Variants in YWHAQ observed in about 807,000 individuals in gnomAD.
YWHAQ encodes the protein 14-3-3 protein theta.
A neutral mutation model predicts 28.3 loss-of-function variants in YWHAQ; 6 were observed. That is an observed-to-expected ratio of 0.21 (90% CI 0.12 to 0.42). YWHAQ has a LOEUF of 0.42. YWHAQ is among the 10% of genes least tolerant of loss of function. The probability of loss-of-function intolerance (pLI) is 1.00; values close to 1 mark genes in which losing one functional copy is unlikely to be tolerated. For missense variants in YWHAQ, 201 were observed against 305.6 expected (o/e 0.66, Z 2.55); for synonymous variants, 143 against 119.1 (o/e 1.20, Z -1.31).
At chr2:9,592,352 A>C (rs1666473465) in intron 2 of YWHAQ, among the ~76,000 whole-genome samples, 1 of 152,004 alleles carries the variant, frequency 6.6e-6, no homozygotes, top group Non-Finnish European at 1.5e-5. Context: ...TATGCCTTGG[A>C]GTATAAAAAG....
chr2:9,619,076 T>C (rs1027158604), intron 2 of YWHAQ, among the ~76,000 whole-genome samples: 3 of 152,062 alleles, frequency 2.0e-5, no homozygotes, highest in Admixed American at 1.3e-4. Flanking sequence ...TCAACAGACG[T>C]GGGGGCTAAA....
At chr2:9,622,023 G>T (rs571555793) in intron 2 of YWHAQ, among the ~76,000 whole-genome samples, 44 of 152,202 alleles carry the variant, frequency 2.9e-4, no homozygotes, top group African/African-American at 9.4e-4. Context: ...ACATCACACA[G>T]CGGGGACTGT....
chr2:9,618,744 A>G (rs550429569), intron 2 of YWHAQ, among the ~76,000 whole-genome samples: 215 of 149,064 alleles, frequency 1.4e-3, no homozygotes, highest in Non-Finnish European at 7.5e-4. Context: ...GAATTCCTGG[A>G]CTCAAGCAAT....
intron 2 of YWHAQ, among the ~76,000 whole-genome samples, chr2:9,606,346 G>A (rs1558546486): frequency 6.6e-6 from 1 of 152,166 alleles, no homozygotes; most frequent in African/African-American, 2.4e-5. Flanking sequence ...CAGGCAGACT[G>A]CCTGAGCTCA....
intron 2 of YWHAQ, among the ~76,000 whole-genome samples, chr2:9,592,558 T>A (rs1012678606): frequency 8.5e-4 from 130 of 152,082 alleles, no homozygotes; most frequent in African/African-American, 2.9e-3. Flanking sequence ...ACCCCGTCTC[T>A]ACTAAAAATA....
intron 2 of YWHAQ, among the ~76,000 whole-genome samples, chr2:9,599,275 A>G (rs1376669281): frequency 6.6e-6 from 1 of 152,174 alleles, no homozygotes; most frequent in East Asian, 1.9e-4. Flanking sequence ...CAGAACATAA[A>G]AGTACAAGCT....
intron 5 of YWHAQ, among the ~76,000 whole-genome samples, chr2:9,585,650 G>A (rs1313718334): frequency 1.3e-5 from 2 of 152,156 alleles, no homozygotes; most frequent in Non-Finnish European, 2.9e-5. Context: ...GCTCACGCCT[G>A]TAATCTCAGC....
intron 2 of YWHAQ, among the ~76,000 whole-genome samples, chr2:9,624,462 A>G (rs1013801434): frequency 1.3e-5 from 2 of 152,116 alleles, no homozygotes; most frequent in African/African-American, 4.8e-5. Flanking sequence ...AATACAACTT[A>G]ATACAGCTCA....
chr2:9,629,690 G>C (rs968629010), intron 2 of YWHAQ, among the ~76,000 whole-genome samples: 5 of 152,254 alleles, frequency 3.3e-5, no homozygotes, highest in Admixed American at 6.5e-5. Flanking sequence ...GAAAAATAAA[G>C]TATCTGTTCA....
chr2:9,603,552 G>A (rs1666757314), intron 2 of YWHAQ, among the ~76,000 whole-genome samples: 2 of 151,512 alleles, frequency 1.3e-5, no homozygotes, highest in Admixed American at 1.3e-4. Context: ...TGTGATTACG[G>A]GCATGAGCCA....
chr2:9,614,627 T>C (rs912204785), intron 2 of YWHAQ, among the ~76,000 whole-genome samples: 1 of 152,182 alleles, frequency 6.6e-6, no homozygotes, highest in African/African-American at 2.4e-5. Context: ...GGGTCAAGTT[T>C]TGCTATATCC....
intron 2 of YWHAQ, among the ~76,000 whole-genome samples, chr2:9,602,586 C>T (rs1247455895): frequency 6.6e-6 from 1 of 151,374 alleles, no homozygotes; most frequent in Non-Finnish European, 1.5e-5. Flanking sequence ...CTCCCCCAGC[C>T]TGGAACGGAG....
intron 2 of YWHAQ, among the ~76,000 whole-genome samples, chr2:9,616,685 A>G (rs1558549624): frequency 6.6e-6 from 1 of 152,268 alleles, no homozygotes; most frequent in Non-Finnish European, 1.5e-5. Context: ...ACTAAAGGCC[A>G]ATAAGTACAT....
chr2:9,615,540 G>C (rs1667025119), intron 2 of YWHAQ, among the ~76,000 whole-genome samples: 1 of 152,158 alleles, frequency 6.6e-6, no homozygotes, highest in Non-Finnish European at 1.5e-5. Context: ...ATGCTGGAAG[G>C]TCTCAGAGGT....
rs559351499 is a variant in YWHAQ at position 9,629,817 on chromosome 2, T to A, written c.294+342A>T. On this transcript the variant is annotated intron_variant, in intron 2 of 5. Coordinates refer to ENST00000238081, the MANE Select transcript of YWHAQ (RefSeq NM_006826.4). ...GCCTGAAGCTTGTGAACCGACTGAA[T>A]ACATTTAAAGGGCTCACAGATCTCA... Among the ~76,000 whole-genome samples the A allele has an allele frequency of 3.3e-5, 5 of 152,270 alleles. No individual in the cohort carries two copies. In the South Asian group the frequency reaches 1.0e-3, roughly 32 times the overall value.
intron 2 of YWHAQ, among the ~76,000 whole-genome samples, chr2:9,596,441 C>T (rs1049949996): frequency 3.3e-5 from 5 of 152,130 alleles, no homozygotes; most frequent in Non-Finnish European, 7.4e-5. Context: ...ATAAGCTACT[C>T]TATTGAAGAA....
Position 9,588,142 on chromosome 2 carries a change from T to C in YWHAQ, c.582+23A>G, listed in dbSNP as rs746259702. On this transcript the variant is annotated intron_variant, in intron 4 of 5. Coordinates refer to ENST00000238081, the MANE Select transcript of YWHAQ (RefSeq NM_006826.4). ...CTCAAATAACTGTAGCTAAAGTACG[T>C]ATTTCCTGGACACACATCTTACCGT... 10 of 1,513,006 alleles carry C rather than the reference T, an allele frequency of 6.6e-6. No individual in the cohort carries two copies. In the East Asian group the frequency reaches 2.5e-4, roughly 38 times the overall value. 93.7% of individuals were successfully genotyped at this position (1,513,006 alleles called of 1,614,324 possible).
chr2:9,591,450 T>C lies in YWHAQ; in HGVS notation c.360A>G (p.Lys120=). The C allele has an allele frequency of 6.2e-7, 1 of 1,613,304 alleles. No individual in the cohort carries two copies. Residue 120 remains lysine, a synonymous_variant, in exon 3 of 6, where the codon AAA becomes AAG. Coordinates refer to ENST00000238081, the MANE Select transcript of YWHAQ (RefSeq NM_006826.4). ...GGTACCGGAAGTAATCACCCTTCAT[T>C]TTCAGATAGAAGACCTTACTCTCTG... The part of the protein sequence containing the change: ...TNPESKVFYL[K]MKGDYFRYLA...
intron 2 of YWHAQ, among the ~76,000 whole-genome samples, chr2:9,610,405 A>G (rs969834730): frequency 6.6e-6 from 1 of 152,168 alleles, no homozygotes; most frequent in Non-Finnish European, 1.5e-5. Context: ...CTTGGTACAT[A>G]ACCCTCAATT....
Sources: gnomAD v4.1 joint callset for allele counts (sites outside exome capture counted in the v4.1 genomes callset) on GRCh38, gnomAD v4.1.1 for gene constraint, MANE v1.5 for transcripts, NCBI Gene and HGNC (gene_info 2026-07-23, HGNC 2026-07-21) for gene names.